The following FBXO31 variants were observed in gnomAD, a reference collection of about 807,000 sequenced individuals.
FBXO31 encodes the protein F-box protein 31.
Under a neutral mutation model 54.4 loss-of-function variants are expected in FBXO31, and 24 were observed. That is an observed-to-expected ratio of 0.44 (90% CI 0.32 to 0.62). The LOEUF (loss-of-function observed/expected upper bound fraction) is 0.62, where lower values mean the gene tolerates loss of function less well. FBXO31 is among the 20% of genes least tolerant of loss of function. The probability of loss-of-function intolerance (pLI) is 0.05; values close to 1 mark genes in which losing one functional copy is unlikely to be tolerated. For missense variants in FBXO31, 665 were observed against 787.1 expected, an observed-to-expected ratio of 0.84 and a Z score of 1.86; for synonymous variants, 388 against 335.6, an observed-to-expected ratio of 1.16 and a Z score of -1.71.
Position 87,335,138 on chromosome 16 carries a change from C to G in FBXO31, c.996+166G>C, listed in dbSNP as rs760582093. On this transcript the variant is annotated intron_variant, in intron 7 of 8. Coordinates refer to ENST00000311635, the MANE Select transcript of FBXO31 (RefSeq NM_024735.5). The surrounding 1 kb of genome is among the most constrained non-coding windows in gnomAD (Gnocchi z 5.7). The stretch of plus-strand genomic sequence containing the variant: ...TGCAATTCTGGTTCAGTGGGGCTGG[C>G]TGGGGCCCGAGAATCTGCTTTCCCA... Among the ~76,000 whole-genome samples the G allele has an allele frequency of 2.6e-5, 4 of 152,228 alleles. No homozygotes were observed. The highest frequency in any genetic ancestry group is 4.4e-5 in the Non-Finnish European group (3 of 68,034).
intron 5 of FBXO31, among the ~76,000 whole-genome samples, chr16:87,342,348 C>T (rs1224138861): frequency 6.6e-6 from 1 of 152,200 alleles, no homozygotes; most frequent in Non-Finnish European, 1.5e-5. Context: ...AGCCACCGCA[C>T]CTTCCTTCTT....
chr16:87,368,915 T>A (rs1906480056), intron 1 of FBXO31, among the ~76,000 whole-genome samples: 1 of 152,138 alleles, frequency 6.6e-6, no homozygotes, highest in African/African-American at 2.4e-5. Flanking sequence ...TTCTCCTGCC[T>A]CAGCCTACCA....
rs753431072 is a variant in FBXO31, at chr16:87,334,043, T to G, written c.1240A>C (p.Lys414Gln). Residue 414 changes from lysine (K) to glutamine (Q), a missense_variant, in exon 8 of 9, where the codon AAG becomes CAG. Physicochemically the swap from Lys to Gln is moderately conservative, Grantham distance 53. This residue lies in a region of FBXO31 where 165 missense variants were observed against 159.7 expected (regional missense o/e 1.03). Coordinates refer to ENST00000311635, the MANE Select transcript of FBXO31 (RefSeq NM_024735.5). Reference protein sequence around the residue: ...PAQPRAEAPSKGPDGTPGEDG... With the variant: ...PAQPRAEAPSQGPDGTPGEDG... ...TCACCAGGTGTCCCATCTGGGCCCT[T>G]GCTGGGCGCCTCTGCCCTGGGCTGG... is the stretch of plus-strand genomic sequence containing the variant. 1.2e-6 allele frequency: 2 copies of G among 1,612,472 alleles called. No homozygotes were observed. Among genetic ancestry groups the G allele is most frequent in the Non-Finnish European group, 1.7e-6 (2 of 1,179,652 alleles).
intron 1 of FBXO31, among the ~76,000 whole-genome samples, chr16:87,389,280 A>T (rs1353371962): frequency 6.6e-6 from 1 of 152,232 alleles, no homozygotes; most frequent in African/African-American, 2.4e-5. Flanking sequence ...ATGTGGCTTT[A>T]GATTCAAGTT....
chr16:87,341,383 C>CA (rs1364233716), intron 5 of FBXO31, among the ~76,000 whole-genome samples: 3 of 152,134 alleles, frequency 2.0e-5, no homozygotes, highest in Non-Finnish European at 4.4e-5. Context: ...AGGCCAGGAG[C>CA]AGTGGCTCAC....
At chr16:87,384,077 C>G (rs1050144089), upstream of FBXO31, 3 of 165,486 alleles carry the variant, frequency 1.8e-5, no homozygotes, top group African/African-American at 7.2e-5. Context: ...GACGCGCTGC[C>G]TACTGCGCTA....
rs753246146 is a variant in FBXO31, at chr16:87,345,739, G to A, written c.489+1435C>T. Among the ~76,000 whole-genome samples, 10 of 152,250 alleles carry A rather than the reference G, an allele frequency of 6.6e-5. No homozygotes were observed. The highest frequency in any genetic ancestry group is 1.3e-4 in the Non-Finnish European group (9 of 68,046). Reference sequence around the variant, plus strand: ...AGGTAGCCCAGTGACGAGGACCCAAGGCCCTGAAGAGAAGGGACAGGCTGA... The same window carrying A: ...AGGTAGCCCAGTGACGAGGACCCAAAGCCCTGAAGAGAAGGGACAGGCTGA... On this transcript the variant is annotated intron_variant, in intron 3 of 8. Transcript: ENST00000311635. The surrounding 1 kb of genome is among the most constrained non-coding windows in gnomAD (Gnocchi z 4.9).
At chr16:87,357,916 C>CA (rs796716025) in intron 2 of FBXO31, among the ~76,000 whole-genome samples, 4,124 of 132,452 alleles carry the variant, frequency 0.031, 186 homozygotes, top group African/African-American at 0.11. Flanking sequence ...GACTCTGCCT[C>CA]AAAAAAAAAA....
upstream of FBXO31, among the ~76,000 whole-genome samples, chr16:87,387,891 C>T (rs991075071): frequency 6.6e-6 from 1 of 152,166 alleles, no homozygotes; most frequent in Non-Finnish European, 1.5e-5. Flanking sequence ...TGGGATCTTA[C>T]CCACTGCTCA....
rs1906002359 is a variant in FBXO31 at position 87,358,646 on chromosome 16, C to G, written c.412+1649G>C. On this transcript the variant is annotated intron_variant, in intron 2 of 8. Transcript: ENST00000311635. The surrounding 1 kb of genome is among the most constrained non-coding windows in gnomAD (Gnocchi z 4.0). ...CCACCCAGGACACAGAGAGGTGGCT[C>G]TGAGAAACCTGCTGGAGAGAACAAC... is the stretch of plus-strand genomic sequence containing the variant. 1 of 152,362 alleles carries G rather than the reference C, an allele frequency of 6.6e-6. No individual in the cohort carries two copies. The highest frequency in any genetic ancestry group is 2.4e-5 in the African/African-American group (1 of 41,454). 9.4% of individuals were successfully genotyped at this position (152,362 alleles called of 1,614,324 possible).
intron 2 of FBXO31, among the ~76,000 whole-genome samples, chr16:87,351,783 C>T (rs532634008): frequency 3.3e-4 from 50 of 152,260 alleles, no homozygotes; most frequent in African/African-American, 1.0e-3. Flanking sequence ...GCAGGAGAAT[C>T]GCTTGAACCC....
chr16:87,337,749 C>G (rs1314487753), intron 5 of FBXO31, among the ~76,000 whole-genome samples: 1 of 151,888 alleles, frequency 6.6e-6, no homozygotes, highest in East Asian at 1.9e-4. Context: ...CCTTATGCCA[C>G]ACACAAGATC....
At chr16:87,387,090 G>A (rs1172775322), upstream of FBXO31, among the ~76,000 whole-genome samples, 2 of 151,730 alleles carry the variant, frequency 1.3e-5, no homozygotes, top group Non-Finnish European at 2.9e-5. Context: ...CTTGAGCCCA[G>A]GAGACTAGCT....
At chr16:87,381,703 C>T (rs1011933822) in intron 1 of FBXO31, among the ~76,000 whole-genome samples, 2 of 152,212 alleles carry the variant, frequency 1.3e-5, no homozygotes, top group Non-Finnish European at 2.9e-5. Flanking sequence ...AACATGCAGT[C>T]CTACAAATCC....
chr16:87,334,245 G>T lies in FBXO31; in HGVS notation c.1038C>A (p.Ile346=), dbSNP rs143027787. 3.1e-6 allele frequency: 5 copies of T among 1,607,088 alleles called. No homozygotes were observed. Among genetic ancestry groups the T allele is most frequent in the South Asian group, 1.1e-5 (1 of 90,002 alleles). Residue 346 remains isoleucine, a synonymous_variant, in exon 8 of 9, where the codon ATC becomes ATA. Coordinates refer to ENST00000311635, the MANE Select transcript of FBXO31 (RefSeq NM_024735.5). ...GCAGCTGGATCCGATGCCTCAGGTCGATCTCCACTGTCTGCTGCCCAGCGG... is the reference window on the plus strand; with the variant it reads ...GCAGCTGGATCCGATGCCTCAGGTCTATCTCCACTGTCTGCTGCCCAGCGG... ...NIPAGQQTVE[I]DLRHRIQLPD...
chr16:87,377,326 G>C (rs1402773331), intron 1 of FBXO31, among the ~76,000 whole-genome samples: 1 of 152,142 alleles, frequency 6.6e-6, no homozygotes, highest in Non-Finnish European at 1.5e-5. Context: ...CGTGCCTATA[G>C]TCTCAGCTAC....
chr16:87,372,422 G>A (rs113663004), intron 1 of FBXO31, among the ~76,000 whole-genome samples: 1,696 of 152,232 alleles, frequency 0.011, 41 homozygotes, highest in African/African-American at 0.038. Context: ...GTCAGGACAC[G>A]GGCCAGTGTT....
At chr16:87,349,666 C>T (rs58386779) in intron 2 of FBXO31, among the ~76,000 whole-genome samples, 3,985 of 151,204 alleles carry the variant, frequency 0.026, 168 homozygotes, top group African/African-American at 0.092. Context: ...GCCGAGACCA[C>T]GCCACTGCAC....
Position 87,331,343 on chromosome 16 carries a change from G to C in FBXO31, c.1565C>G (p.Pro522Arg). 1 of 1,613,992 alleles carries C rather than the reference G, an allele frequency of 6.2e-7. No homozygotes were observed. Among genetic ancestry groups the C allele is most frequent in the Non-Finnish European group, 8.5e-7 (1 of 1,180,024 alleles). ...VQATFRNADA[P>R]SPQAFDEMLK... ...CATCTCATCGAAGGCCTGTGGGGAC[G>C]GCGCATCTGCGTTCCGGAAGGTGGC... The change falls in exon 9 of 9, where the codon CCG becomes CGG. Residue 522 changes from proline to arginine, a missense_variant. Around this residue, in one of 4 missense-constraint regions of FBXO31, gnomAD observed 71 missense variants for 105.8 expected, o/e 0.67. Coordinates refer to ENST00000311635, the MANE Select transcript of FBXO31 (RefSeq NM_024735.5).
Sources: allele counts gnomAD v4.1 joint callset (sites outside exome capture counted in the v4.1 genomes callset), GRCh38; gene constraint gnomAD v4.1.1; regional missense constraint gnomAD v4.1.1; non-coding constraint Gnocchi (gnomAD v3.1); transcripts MANE v1.5; gene names NCBI Gene and HGNC (gene_info 2026-07-23, HGNC 2026-07-21).